The following PUM2 variants were observed in gnomAD, a reference collection of about 807,000 sequenced individuals.
The protein encoded by PUM2 is pumilio RNA binding family member 2, also known as pumilio homolog 2.
PUM2 carries 57 observed loss-of-function variants against 124.5 expected under a neutral mutation model. The observed-to-expected ratio is 0.46, with a 90% confidence interval of 0.37 to 0.57. The LOEUF (loss-of-function observed/expected upper bound fraction) is 0.57. PUM2 is among the 20% of genes least tolerant of loss of function. The pLI is 0.00. For synonymous variants in PUM2, 460 were observed against 446.1 expected (o/e 1.03, Z -0.39); for missense variants, 1,065 against 1,290.6 (o/e 0.83, Z 2.68).
At chr2:20,287,039 GAAAAAC>G (rs1265814629) in intron 10 of PUM2, among the ~76,000 whole-genome samples, 1 of 152,014 alleles carries the variant, frequency 6.6e-6, no homozygotes, top group Admixed American at 6.6e-5. Flanking sequence ...ATGGGGAATT[GAAAAAC>G]AAAAACAAAA....
At chr2:20,316,818 G>A (rs1041047524) in intron 3 of PUM2, among the ~76,000 whole-genome samples, 5 of 152,140 alleles carry the variant, frequency 3.3e-5, no homozygotes, top group Admixed American at 2.6e-4. Context: ...GATCACCTGA[G>A]GTAAGATTTC....
intron 1 of PUM2, among the ~76,000 whole-genome samples, chr2:20,327,659 ATACTT>A (rs998631440): frequency 6.6e-6 from 1 of 152,232 alleles, no homozygotes. Context: ...AGAACAGTCT[ATACTT>A]TAAAGAAAGG....
intron 12 of PUM2, among the ~76,000 whole-genome samples, chr2:20,280,402 T>C (rs1339452648): frequency 6.6e-6 from 1 of 152,158 alleles, no homozygotes; most frequent in African/African-American, 2.4e-5. Flanking sequence ...CTTGAGTTGG[T>C]TTTGGTAAAA....
chr2:20,293,820 G>GA (rs1276750580), intron 9 of PUM2, among the ~76,000 whole-genome samples: 4 of 152,080 alleles, frequency 2.6e-5, no homozygotes, highest in Non-Finnish European at 5.9e-5. Context: ...CAATGAATGT[G>GA]ACAGTCAGAA....
At chr2:20,337,702 C>G (rs1334453038) in intron 1 of PUM2, among the ~76,000 whole-genome samples, 1 of 152,112 alleles carries the variant, frequency 6.6e-6, no homozygotes, top group Non-Finnish European at 1.5e-5. Context: ...AGGGTCCAAG[C>G]CTTCATATGA....
intron 10 of PUM2, among the ~76,000 whole-genome samples, chr2:20,287,963 G>T (rs1572722723): frequency 6.6e-6 from 1 of 152,270 alleles, no homozygotes; most frequent in East Asian, 1.9e-4. Context: ...TCTGGTATAA[G>T]GACAGACATG....
At chr2:20,332,282 AGTGTGTGTGTGTGTGTGTGTGTGTGT>A (rs55986830) in intron 1 of PUM2, among the ~76,000 whole-genome samples, 1 of 145,372 alleles carries the variant, frequency 6.9e-6, no homozygotes, top group Non-Finnish European at 1.5e-5. Context: ...ATACTACTAG[AGTGTGTGTGTGTGTGTGTGTGTGTGT>A]GTGTGTGTGT....
intron 20 of PUM2, among the ~76,000 whole-genome samples, chr2:20,252,242 G>T (rs1277974424): frequency 6.6e-6 from 1 of 152,108 alleles, no homozygotes; most frequent in Non-Finnish European, 1.5e-5. Flanking sequence ...AACATAGCGA[G>T]ACCGCATCTC....
chr2:20,301,228 T>C (rs1036210420), intron 7 of PUM2, among the ~76,000 whole-genome samples: 1 of 152,214 alleles, frequency 6.6e-6, no homozygotes, highest in African/African-American at 2.4e-5. Context: ...AAATAAACTT[T>C]CTAAACTGCT....
chr2:20,323,550 G>C (rs1486677404), intron 2 of PUM2, among the ~76,000 whole-genome samples: 1 of 151,466 alleles, frequency 6.6e-6, no homozygotes, highest in Non-Finnish European at 1.5e-5. Flanking sequence ...TATCAAACAT[G>C]ACTTAACTTA....
rs773789397 is a variant in PUM2, at chr2:20,294,536, C to A, written c.1010-18G>T. The A allele has an allele frequency of 2.5e-6, 4 of 1,573,184 alleles. No homozygotes were observed. Among genetic ancestry groups the A allele is most frequent in the South Asian group, 2.3e-5 (2 of 85,598 alleles). On this transcript the variant is annotated intron_variant, in intron 8 of 20. Coordinates refer to ENST00000361078, the MANE Select transcript of PUM2 (RefSeq NM_015317.5). The stretch of plus-strand genomic sequence containing the variant: ...TGCTGGACCTAAACCCCACACCCGA[C>A]CCCCGAATAAAAAGTTACTAGATTT...
At chr2:20,251,779 G>C (rs986179946) in intron 20 of PUM2, 63 bp from the exon 21 acceptor site, 1 of 1,558,826 alleles carries the variant, frequency 6.4e-7, no homozygotes. Flanking sequence ...TCTTAAAAAA[G>C]CACCCCCAAT....
intron 2 of PUM2, among the ~76,000 whole-genome samples, chr2:20,319,019 G>C (rs1681673779): frequency 6.6e-6 from 1 of 152,088 alleles, no homozygotes. Context: ...CCTCTCCCTA[G>C]ACCACCTCCT....
chr2:20,253,129 G>C (rs1237497905), intron 20 of PUM2, among the ~76,000 whole-genome samples: 5 of 152,304 alleles, frequency 3.3e-5, no homozygotes, highest in African/African-American at 1.2e-4. Flanking sequence ...AGTTAAATAA[G>C]ATGAAGGCAA....
intron 13 of PUM2, among the ~76,000 whole-genome samples, chr2:20,275,824 A>G (rs1670104519): frequency 6.6e-6 from 1 of 152,096 alleles, no homozygotes; most frequent in Non-Finnish European, 1.5e-5. Context: ...CATCAAATAA[A>G]TGGAAAGGGA....
chr2:20,335,978 TTGG>T (rs1685918462), intron 1 of PUM2, among the ~76,000 whole-genome samples: 1 of 152,170 alleles, frequency 6.6e-6, no homozygotes, highest in Non-Finnish European at 1.5e-5. Flanking sequence ...ACTGACTTAT[TTGG>T]AGAATCAAAA....
At chr2:20,328,781 A>G (rs1170135971) in intron 1 of PUM2, among the ~76,000 whole-genome samples, 16 of 152,196 alleles carry the variant, frequency 1.1e-4, no homozygotes, top group Admixed American at 1.0e-3. Flanking sequence ...ATAGGAAAAT[A>G]GTGGAAAAAA....
At chr2:20,255,425 T>C in intron 17 of PUM2, 84 bp from the exon 18 acceptor site, 1 of 1,414,056 alleles carries the variant, frequency 7.1e-7, no homozygotes, top group Non-Finnish European at 9.6e-7. Flanking sequence ...GTTTTTTTTT[T>C]TTTTGACAAC....
intron 7 of PUM2, among the ~76,000 whole-genome samples, chr2:20,302,932 A>C (rs1233841030): frequency 6.6e-6 from 1 of 152,156 alleles, no homozygotes; most frequent in Non-Finnish European, 1.5e-5. Flanking sequence ...AATTTCCACC[A>C]CGCTTCATAC....
Sources: gnomAD v4.1 joint callset for allele counts (sites outside exome capture counted in the v4.1 genomes callset) on GRCh38, gnomAD v4.1.1 for gene constraint, MANE v1.5 for transcripts, NCBI Gene and HGNC (gene_info 2026-07-23, HGNC 2026-07-21) for gene names.